Variants in CLCN5 observed in about 807,000 individuals in gnomAD.
CLCN5 encodes Cl-/H+ antiporter 5, also known as H(+)/Cl(-) exchange transporter 5.
A neutral mutation model predicts 54.0 loss-of-function variants in CLCN5; 17 were observed. The ratio of observed to expected loss-of-function variants is 0.31; its 90% CI spans 0.22 to 0.47. The LOEUF (loss-of-function observed/expected upper bound fraction) is 0.47. Among genes scored for constraint, CLCN5 ranks in the 20% least tolerant of loss-of-function variants. The pLI, the probability that CLCN5 is intolerant of heterozygous loss-of-function variation, is 1.00. For synonymous variants in CLCN5, 222 were observed against 233.0 expected, an observed-to-expected ratio of 0.95 and a Z score of 0.43; for missense variants, 448 against 646.7, an observed-to-expected ratio of 0.69 and a Z score of 3.33.
At chrX:50,066,580 G>A (rs782794169) in intron 4 of CLCN5, among the ~76,000 whole-genome samples, 2 of 112,006 alleles carry the variant, frequency 1.8e-5, no homozygotes, top group South Asian at 7.5e-4. Flanking sequence ...CCCAATTTAG[G>A]GAGTTGGGAG....
At chrX:49,960,419 T>C (rs185298619) in intron 3 of CLCN5, among the ~76,000 whole-genome samples, 107 of 110,006 alleles carry the variant, frequency 9.7e-4, no homozygotes, top group Non-Finnish European at 1.6e-3. Context: ...GGTTGGTTTA[T>C]TTTCCAAATT....
intron 3 of CLCN5, chrX:50,008,365 C>A: frequency 3.5e-6 from 1 of 288,043 alleles, no homozygotes; most frequent in Non-Finnish European, 7.6e-6. Flanking sequence ...TATATCATGA[C>A]AAGTAAGTAC....
chrX:49,947,390 A>G (rs1218942670), intron 3 of CLCN5, among the ~76,000 whole-genome samples: 1 of 110,193 alleles, frequency 9.1e-6, no homozygotes, highest in Non-Finnish European at 1.9e-5. Flanking sequence ...TCATTTCCCC[A>G]TGGCCTGGGG....
At chrX:50,091,908 G>T (rs1383852937) in intron 14 of CLCN5, among the ~76,000 whole-genome samples, 2 of 111,625 alleles carry the variant, frequency 1.8e-5, no homozygotes, top group Non-Finnish European at 3.8e-5. Context: ...AAATCGCAGG[G>T]TCTGAGACCT....
At position 50,090,179 on chromosome X, in the gene CLCN5, A is replaced by T. The variant is rs1934039178; in HGVS notation, c.1808A>T (p.Glu603Val). Residue 603 changes from glutamate to valine, a missense_variant, in exon 13 of 15, where the codon GAA becomes GTA. Physicochemically the swap from Glu to Val is moderately radical, Grantham distance 121. Coordinates refer to ENST00000376091, the MANE Select transcript of CLCN5 (RefSeq NM_001127898.4). Reference sequence around the variant, plus strand: ...ATGTTTGAACTGACTGGTGGCTTAGAATACATCGTGCCTCTGATGGCTGCA... The same window carrying T: ...ATGTTTGAACTGACTGGTGGCTTAGTATACATCGTGCCTCTGATGGCTGCA... ...VIMFELTGGL[E>V]YIVPLMAAAM... is the part of the protein sequence containing the mutation. 5 of 1,209,352 alleles carry T rather than the reference A, an allele frequency of 4.1e-6. No homozygotes were observed. The highest frequency in any genetic ancestry group is 5.6e-6 in the Non-Finnish European group (5 of 894,655).
chrX:50,051,947 G>A (rs1161666866), intron 4 of CLCN5, among the ~76,000 whole-genome samples: 2 of 111,256 alleles, frequency 1.8e-5, no homozygotes, highest in Non-Finnish European at 3.8e-5. Context: ...GATTCTTTGG[G>A]ATTTTCTACA....
intron 3 of CLCN5, among the ~76,000 whole-genome samples, chrX:49,990,927 A>G (rs939991907): frequency 1.8e-5 from 2 of 112,543 alleles, no homozygotes; most frequent in Non-Finnish European, 3.7e-5. Context: ...GCATATATGT[A>G]TATGCCACAT....
At chrX:50,083,648 A>G (rs996106354) in intron 9 of CLCN5, among the ~76,000 whole-genome samples, 3 of 111,831 alleles carry the variant, frequency 2.7e-5, no homozygotes, top group African/African-American at 9.7e-5. Flanking sequence ...AGGGTACATG[A>G]GCCTTATATG....
chrX:50,014,686 A>C (rs954755667), intron 3 of CLCN5: 7 of 333,741 alleles, frequency 2.1e-5, no homozygotes, highest in Non-Finnish European at 4.2e-5. Flanking sequence ...GGGGAGCTCA[A>C]CTGTACCAAG....
intron 3 of CLCN5, among the ~76,000 whole-genome samples, chrX:50,005,912 C>T (rs929478559): frequency 3.6e-5 from 4 of 112,423 alleles, no homozygotes; most frequent in Non-Finnish European, 7.5e-5. Context: ...TGTATTTAGG[C>T]TTCTACAATG....
At chrX:50,091,997 T>C (rs1602135730) in intron 14 of CLCN5, 132 bp from the exon 15 acceptor site, 1 of 511,370 alleles carries the variant, frequency 2.0e-6, no homozygotes, top group Non-Finnish European at 3.5e-6. Flanking sequence ...ACTCCTGTGA[T>C]CTCATACTGA....
chrX:50,016,400 G>T (rs1424846854), intron 3 of CLCN5, among the ~76,000 whole-genome samples: 1 of 110,649 alleles, frequency 9.0e-6, no homozygotes, highest in Non-Finnish European at 1.9e-5. Context: ...TTTACAAAAA[G>T]ATTGAATGGA....
At chrX:50,050,889 C>T (rs1932563332) in intron 4 of CLCN5, among the ~76,000 whole-genome samples, 1 of 110,492 alleles carries the variant, frequency 9.1e-6, no homozygotes, top group Admixed American at 9.7e-5. Flanking sequence ...GTCTCCATCT[C>T]CTGACCTCGT....
At chrX:50,079,967 G>T (rs782196376) in intron 7 of CLCN5, among the ~76,000 whole-genome samples, 2 of 111,554 alleles carry the variant, frequency 1.8e-5, no homozygotes, top group Non-Finnish European at 3.8e-5. Context: ...TATGGAAGGT[G>T]ATATGCATGT....
At position 50,039,184 on chromosome X, in the gene CLCN5, C is replaced by T. The variant is rs149429135; in HGVS notation, c.17-3132C>T. ...TGACGCACGCCTGTAGTCCCAGCTA[C>T]TTGGGACGCTGAGGTGGCAGGATTG... On this transcript the variant is annotated intron_variant, in intron 3 of 14. Coordinates refer to ENST00000376091, the MANE Select transcript of CLCN5 (RefSeq NM_001127898.4). Among the ~76,000 whole-genome samples, 80 of 111,628 alleles carry T rather than the reference C, an allele frequency of 7.2e-4. No individual in the cohort carries two copies. In the East Asian group the frequency reaches 0.016, roughly 23 times the overall value.
intron 3 of CLCN5, among the ~76,000 whole-genome samples, chrX:49,978,464 C>G (rs1557177244): frequency 1.8e-5 from 2 of 112,069 alleles, no homozygotes; most frequent in African/African-American, 6.5e-5. Flanking sequence ...CAGTAGCCAG[C>G]ATTAACACAG....
At chrX:50,032,232 C>T (rs1338239956) in intron 3 of CLCN5, among the ~76,000 whole-genome samples, 1 of 111,733 alleles carries the variant, frequency 8.9e-6, no homozygotes, top group Non-Finnish European at 1.9e-5. Context: ...TGGGTATATA[C>T]CCAGTAATGG....
intron 3 of CLCN5, among the ~76,000 whole-genome samples, chrX:49,952,474 C>T (rs192306727): frequency 1.6e-4 from 16 of 102,876 alleles, no homozygotes; most frequent in African/African-American, 4.4e-4. Flanking sequence ...TATTTGCAGA[C>T]GGGCTGACTT....
At chrX:50,019,468 C>CTTTTTTTTTT (rs1175073117) in intron 3 of CLCN5, among the ~76,000 whole-genome samples, 56 of 47,670 alleles carry the variant, frequency 1.2e-3, no homozygotes, top group Non-Finnish European at 1.5e-3. Context: ...TTTTTTTTTT[C>CTTTTTTTTTT]TTTTTTTTTT....
Sources: gnomAD v4.1 joint callset for allele counts (sites outside exome capture counted in the v4.1 genomes callset) on GRCh38, gnomAD v4.1.1 for gene constraint, MANE v1.5 for transcripts, NCBI Gene and HGNC (gene_info 2026-07-23, HGNC 2026-07-21) for gene names.